SLC24A4: variants seen among roughly 807,000 people sequenced by gnomAD.
The protein encoded by SLC24A4 is sodium/potassium/calcium exchanger 4.
SLC24A4 carries 53 observed loss-of-function variants against 79.0 expected under a neutral mutation model. The observed-to-expected ratio is 0.67, with a 90% CI of 0.54 to 0.84. The LOEUF (loss-of-function observed/expected upper bound fraction) is 0.84, where lower values mean the gene tolerates loss of function less well. SLC24A4 is among the 40% of genes least tolerant of loss of function. The pLI is 0.00. For synonymous variants in SLC24A4, 323 were observed against 323.8 expected (o/e 1.00, Z 0.03); for missense variants, 731 against 822.0 (o/e 0.89, Z 1.35).
chr14:92,422,657 A>T (rs1479956056), intron 2 of SLC24A4, among the ~76,000 whole-genome samples: 1 of 124,018 alleles, frequency 8.1e-6, no homozygotes, highest in Non-Finnish European at 1.8e-5. Flanking sequence ...ACATTATATC[A>T]TGCTAAAAAA....
chr14:92,368,528 G>A (rs1307890490), intron 2 of SLC24A4, among the ~76,000 whole-genome samples: 4 of 152,130 alleles, frequency 2.6e-5, no homozygotes, highest in African/African-American at 9.7e-5. Flanking sequence ...TGAAGGTAAT[G>A]GATTGAAATT....
At chr14:92,491,358 C>T (rs1895661731) in intron 14 of SLC24A4, among the ~76,000 whole-genome samples, 1 of 152,226 alleles carries the variant, frequency 6.6e-6, no homozygotes, top group South Asian at 2.1e-4. Flanking sequence ...TGGATTAAGA[C>T]CCTAACGACC....
intron 2 of SLC24A4, among the ~76,000 whole-genome samples, chr14:92,392,859 G>A (rs1277133397): frequency 2.0e-5 from 3 of 147,440 alleles, no homozygotes; most frequent in Non-Finnish European, 3.1e-5. Context: ...CATGGGAGGC[G>A]CCATCTATGA....
intron 13 of SLC24A4, 89 bp downstream of exon 13, chr14:92,482,935 C>T: frequency 7.4e-7 from 1 of 1,360,200 alleles, no homozygotes; most frequent in Non-Finnish European, 1.0e-6. Context: ...TACTGCTGTG[C>T]CACCTTTGGG....
chr14:92,436,115 G>A (rs1305940647), intron 3 of SLC24A4, among the ~76,000 whole-genome samples: 2 of 152,204 alleles, frequency 1.3e-5, no homozygotes, highest in African/African-American at 4.8e-5. Context: ...CCTCATGGAT[G>A]GGGATGGGGA....
intron 2 of SLC24A4, among the ~76,000 whole-genome samples, chr14:92,375,811 G>T (rs1888467704): frequency 6.6e-6 from 1 of 152,178 alleles, no homozygotes; most frequent in African/African-American, 2.4e-5. Context: ...GGGGAGGGGT[G>T]CAGGGCTATA....
At chr14:92,485,642 G>A (rs1403368797) in intron 13 of SLC24A4, among the ~76,000 whole-genome samples, 2 of 152,024 alleles carry the variant, frequency 1.3e-5, no homozygotes, top group Non-Finnish European at 2.9e-5. Context: ...TTACTGAAGT[G>A]TATTTCCAAA....
rs971303487 is a variant in SLC24A4 at position 92,323,752 on chromosome 14, G to T, written c.-79G>T. 3 of 1,483,464 alleles carry T rather than the reference G, an allele frequency of 2.0e-6. No homozygotes were observed. The highest frequency in any genetic ancestry group is 2.7e-6 in the Non-Finnish European group (3 of 1,118,168). 91.9% of individuals were successfully genotyped at this position (1,483,464 alleles called of 1,614,324 possible). A position where few individuals can be genotyped will look rare whatever the true frequency, so the allele number is the denominator to read the frequency against. On this transcript the variant is annotated 5_prime_UTR_variant, in exon 1 of 17. Coordinates refer to ENST00000532405, the MANE Select transcript of SLC24A4 (RefSeq NM_153646.4). This position sits in a 1 kb window ranked among gnomAD's most constrained non-coding sequence, Gnocchi z 4.9. Reference sequence around the variant, plus strand: ...TCGCGCACCGCCTGCTCCAGCCCCAGCGCCGCTCGGCCACTGATTGCACTC... The same window carrying T: ...TCGCGCACCGCCTGCTCCAGCCCCATCGCCGCTCGGCCACTGATTGCACTC...
intron 2 of SLC24A4, among the ~76,000 whole-genome samples, chr14:92,433,007 C>T (rs1168288716): frequency 1.3e-5 from 2 of 152,042 alleles, no homozygotes; most frequent in African/African-American, 4.8e-5. Flanking sequence ...ATATTTTAAC[C>T]TTTGTTTATT....
chr14:92,399,942 C>T (rs974779924), intron 2 of SLC24A4, among the ~76,000 whole-genome samples: 2 of 151,964 alleles, frequency 1.3e-5, no homozygotes, highest in Non-Finnish European at 2.9e-5. Context: ...CTCTGTCATC[C>T]AGGCTGGAAT....
chr14:92,392,619 G>C (rs1889539701), intron 2 of SLC24A4, among the ~76,000 whole-genome samples: 1 of 152,198 alleles, frequency 6.6e-6, no homozygotes, highest in Admixed American at 6.5e-5. Context: ...CTTGGAGTGT[G>C]GGGCGGGCAT....
At chr14:92,450,332 T>G (rs891097829) in intron 10 of SLC24A4, 21 of 152,242 alleles carry the variant, frequency 1.4e-4, no homozygotes, top group Non-Finnish European at 2.9e-5. Flanking sequence ...TCCTCCCATG[T>G]GCATTTTGGG....
In SLC24A4 at chr14:92,324,183, C is replaced by T. The variant is rs906839910; in HGVS notation, c.130+223C>T. 2.0e-5 allele frequency among the ~76,000 whole-genome samples: 3 copies of T among 152,046 alleles called. No homozygotes were observed. The East Asian group carries it at 5.8e-4, about 29-fold the overall frequency. On this transcript the variant is annotated intron_variant, in intron 1 of 16. Coordinates refer to ENST00000532405, the MANE Select transcript of SLC24A4 (RefSeq NM_153646.4). ...GAGCTACGAGCGGCCCCTGGGGGGGCTCAGGACGCGGCTGCAGGTGTGTGT... is the reference window on the plus strand; with the variant it reads ...GAGCTACGAGCGGCCCCTGGGGGGGTTCAGGACGCGGCTGCAGGTGTGTGT...
intron 2 of SLC24A4, among the ~76,000 whole-genome samples, chr14:92,327,216 C>T (rs1007681969): frequency 2.0e-5 from 3 of 152,198 alleles, no homozygotes; most frequent in Non-Finnish European, 2.9e-5. Flanking sequence ...ATCAGCTTCC[C>T]TGCCCTCAGA....
At chr14:92,415,148 C>G (rs984220439) in intron 2 of SLC24A4, among the ~76,000 whole-genome samples, 3 of 152,204 alleles carry the variant, frequency 2.0e-5, no homozygotes, top group African/African-American at 7.2e-5. Flanking sequence ...GAGAATTCTC[C>G]TGTGGAAGGG....
rs1427761914 is a variant in SLC24A4, at chr14:92,443,387, G to A, written c.583-13G>A. ...TGCGCTCATAGCAGCCAACGACGGG[G>A]CTCTGCTGGCAGGTGGTCCGTCTGA... On this transcript the variant is annotated splice_polypyrimidine_tract_variant and intron_variant, in intron 6 of 16. Transcript: ENST00000532405. 6.2e-7 allele frequency: 1 copy of A among 1,613,954 alleles called. No homozygotes were observed. The highest frequency in any genetic ancestry group is 2.2e-5 in the East Asian group (1 of 44,874).
At chr14:92,491,591 G>T in intron 14 of SLC24A4, 74 bp from the exon 15 acceptor site, 1 of 1,020,764 alleles carries the variant, frequency 9.8e-7, no homozygotes, top group South Asian at 1.3e-5. Context: ...GGCACTGATA[G>T]AACAGTTAGG....
chr14:92,443,699 C>G (rs767748864), intron 7 of SLC24A4, among the ~76,000 whole-genome samples: 11 of 152,214 alleles, frequency 7.2e-5, no homozygotes, highest in Non-Finnish European at 1.3e-4. Context: ...CCACAGAAAG[C>G]AGGAGAGAAT....
chr14:92,466,187 A>G (rs996004522), intron 12 of SLC24A4, among the ~76,000 whole-genome samples: 1 of 152,196 alleles, frequency 6.6e-6, no homozygotes, highest in African/African-American at 2.4e-5. Context: ...TAGTCTCTGT[A>G]AAACAACCCA....
Sources: allele counts gnomAD v4.1 joint callset (sites outside exome capture counted in the v4.1 genomes callset), GRCh38; gene constraint gnomAD v4.1.1; non-coding constraint Gnocchi (gnomAD v3.1); transcripts MANE v1.5; gene names NCBI Gene and HGNC (gene_info 2026-07-23, HGNC 2026-07-21).